The following GNAS variants were observed in gnomAD, a reference collection of about 807,000 sequenced individuals.
The protein encoded by GNAS is GNAS complex locus.
A neutral mutation model predicts 54.5 loss-of-function variants in GNAS; 8 were observed. That is an observed-to-expected ratio of 0.15 (90% CI 0.09 to 0.26). The LOEUF is 0.26. Ranked by LOEUF, GNAS falls within the 10% of genes least tolerant of loss-of-function variation. The probability of loss-of-function intolerance (pLI) is 1.00; values close to 1 mark genes in which losing one functional copy is unlikely to be tolerated. For synonymous variants in GNAS, 204 were observed against 191.4 expected (o/e 1.07, Z -0.54); for missense variants, 170 against 529.8 (o/e 0.32, Z 6.67).
At chr20:58,880,432 C>T (rs763188142) in intron 1 of GNAS, among the ~76,000 whole-genome samples, 7 of 152,034 alleles carry the variant, frequency 4.6e-5, no homozygotes, top group Admixed American at 6.6e-5. Flanking sequence ...TACCACATAC[C>T]GAGAATTTCA....
chr20:58,870,078 A>G (rs1023862387), intron 1 of GNAS, among the ~76,000 whole-genome samples: 1 of 152,178 alleles, frequency 6.6e-6, no homozygotes, highest in African/African-American at 2.4e-5. Flanking sequence ...AAAGTCCTCC[A>G]ATGGGAATTT....
At chr20:58,877,764 T>C (rs552750266) in intron 1 of GNAS, among the ~76,000 whole-genome samples, 1 of 152,360 alleles carries the variant, frequency 6.6e-6, no homozygotes, top group South Asian at 2.1e-4. Context: ...CCTCCCGGCC[T>C]TGCCGGTAAT....
At chr20:58,892,130 T>C in intron 1 of GNAS, 1 of 965,468 alleles carries the variant, frequency 1.0e-6, no homozygotes, top group Non-Finnish European at 1.2e-6. Flanking sequence ...AGTGTCTCTC[T>C]CTTGCTCTCG....
At chr20:58,851,436 C>T (rs2086168588) in intron 1 of GNAS, among the ~76,000 whole-genome samples, 1 of 152,186 alleles carries the variant, frequency 6.6e-6, no homozygotes, top group Non-Finnish European at 1.5e-5. Flanking sequence ...CAGGGTTCTG[C>T]AGGTCAGATG....
chr20:58,910,153 C>T lies in GNAS; in HGVS notation c.970+72C>T. Reference sequence around the variant, plus strand: ...TTTTCAAACGGTCAGGCTGAAAACCCCCATCCCCCTCCCACCACCAAACCA... The same window carrying T: ...TTTTCAAACGGTCAGGCTGAAAACCTCCATCCCCCTCCCACCACCAAACCA... On this transcript the variant is annotated intron_variant, in intron 11 of 12. Coordinates refer to ENST00000371085, the MANE Select transcript of GNAS (RefSeq NM_000516.7). The surrounding 1 kb of genome is among the most constrained non-coding windows in gnomAD (Gnocchi z 5.8). 1 of 1,495,608 alleles carries T rather than the reference C, an allele frequency of 6.7e-7. No individual in the cohort carries two copies. Among genetic ancestry groups the T allele is most frequent in the Non-Finnish European group, 9.3e-7 (1 of 1,072,414 alleles). 92.6% of individuals were successfully genotyped at this position (1,495,608 alleles called of 1,614,324 possible). A position where few individuals can be genotyped will look rare whatever the true frequency, so the allele number is the denominator to read the frequency against.
At position 58,891,474 on chromosome 20, in the gene GNAS, G is replaced by GC. The variant is rs1044640362; in HGVS notation, c.-248dup. 2 of 907,388 alleles carry GC rather than the reference G, an allele frequency of 2.2e-6. No homozygotes were observed. Among genetic ancestry groups the GC allele is most frequent in the Non-Finnish European group, 2.6e-6 (2 of 761,804 alleles). The allele number at this position is 907,388 out of a possible 1,614,324, so 56.2% of individuals were successfully genotyped here. On this transcript the variant is annotated 5_prime_UTR_variant, in exon 1 of 13. Transcript: ENST00000371085. ...CGCCTCGGCCCGGCGGCGGCCATCAGCCCCCTCGGCCTCGGCTCGAGGGGC... is the reference window on the plus strand; with the variant it reads ...CGCCTCGGCCCGGCGGCGGCCATCAGCCCCCCTCGGCCTCGGCTCGAGGGGC...
intron 1 of GNAS, among the ~76,000 whole-genome samples, chr20:58,851,878 G>A (rs1346570399): frequency 1.3e-5 from 2 of 152,216 alleles, no homozygotes; most frequent in African/African-American, 2.4e-5. Context: ...CAGCGCTGCG[G>A]CCGGTGCCCG....
upstream of GNAS, chr20:58,840,497 A>C: frequency 6.2e-7 from 1 of 1,612,894 alleles, no homozygotes; most frequent in Non-Finnish European, 8.5e-7. The surrounding 1 kb of genome is among the most constrained non-coding windows in gnomAD (Gnocchi z 6.0). Flanking sequence ...CGAGCCTGAG[A>C]CCGCCCCCAC....
intron 1 of GNAS, chr20:58,855,379 C>G: frequency 2.6e-6 from 4 of 1,532,364 alleles, no homozygotes; most frequent in Non-Finnish European, 3.5e-6. Flanking sequence ...CGCCGGGGAA[C>G]CGGGGAGGGG....
At chr20:58,845,011 G>C (rs2085891505) in intron 1 of GNAS, among the ~76,000 whole-genome samples, 1 of 147,076 alleles carries the variant, frequency 6.8e-6, no homozygotes, top group Non-Finnish European at 1.5e-5. Flanking sequence ...GCCATCCTGA[G>C]AGTCGTATTT....
intron 6 of GNAS, among the ~76,000 whole-genome samples, chr20:58,906,564 CT>C (rs2091066008): frequency 6.6e-6 from 1 of 152,216 alleles, no homozygotes; most frequent in Non-Finnish European, 1.5e-5. Flanking sequence ...CGGAGTCTCA[CT>C]CTGTCACCCA....
At chr20:58,881,279 A>G (rs2088203898) in intron 1 of GNAS, among the ~76,000 whole-genome samples, 1 of 152,196 alleles carries the variant, frequency 6.6e-6, no homozygotes, top group South Asian at 2.1e-4. Context: ...GGTTATGAGT[A>G]AAAGGAGTGG....
upstream of GNAS, chr20:58,839,863 T>C (rs892386658): frequency 2.3e-5 from 14 of 596,000 alleles, no homozygotes; most frequent in South Asian, 1.4e-4. Context: ...AACTTTCCCC[T>C]TTTTTCCCAT....
chr20:58,900,226 C>T, intron 3 of GNAS: 1 of 531,074 alleles, frequency 1.9e-6, no homozygotes, highest in East Asian at 3.1e-5. Context: ...TCTGCTGTAC[C>T]AAAAGTTGGC....
intron 3 of GNAS, among the ~76,000 whole-genome samples, chr20:58,900,733 C>T (rs911081075): frequency 6.6e-6 from 1 of 152,196 alleles, no homozygotes; most frequent in African/African-American, 2.4e-5. Context: ...ATTTCACAAT[C>T]AACGTTAAAT....
In GNAS at chr20:58,902,725, C is replaced by CTTTTTTTTTTTTTT. The variant is rs60022134; in HGVS notation, c.258-791_258-778dup. 9.8e-4 allele frequency among the ~76,000 whole-genome samples: 68 copies of CTTTTTTTTTTTTTT among 69,512 alleles called. 10 individuals are homozygous for CTTTTTTTTTTTTTT. The highest frequency in any genetic ancestry group is 4.1e-3 in the African/African-American group (61 of 15,018). 45.6% of individuals were successfully genotyped at this position (69,512 alleles called of 152,430 possible). ...AGTGCCTGGAGCATCGCACATACGA[C>CTTTTTTTTTTTTTT]TTTTTTTTTTTTTTTTTTTTTTTTT... On this transcript the variant is annotated intron_variant, in intron 3 of 12. Coordinates refer to ENST00000371085, the MANE Select transcript of GNAS (RefSeq NM_000516.7).
chr20:58,867,386 G>A (rs533005937), intron 1 of GNAS: 1 of 152,326 alleles, frequency 6.6e-6, no homozygotes, highest in South Asian at 2.1e-4. Context: ...TCCCCTTTCT[G>A]AGTGGGAGTC....
At chr20:58,905,318 A>G (rs1340301919) in intron 5 of GNAS, 65 bp from the exon 6 acceptor site, 6 of 925,410 alleles carry the variant, frequency 6.5e-6, no homozygotes, top group African/African-American at 1.6e-5. Flanking sequence ...CAGGGTTTGA[A>G]TGACAGTGTT....
chr20:58,872,410 T>C (rs1054277181), intron 1 of GNAS, among the ~76,000 whole-genome samples: 1 of 152,162 alleles, frequency 6.6e-6, no homozygotes. Flanking sequence ...AAGCAAACCC[T>C]AAGGTTAAAA....
Sources: allele counts gnomAD v4.1 joint callset (sites outside exome capture counted in the v4.1 genomes callset), GRCh38; gene constraint gnomAD v4.1.1; non-coding constraint Gnocchi (gnomAD v3.1); transcripts MANE v1.5; gene names NCBI Gene and HGNC (gene_info 2026-07-23, HGNC 2026-07-21).